The following NLGN1 variants were observed in gnomAD, a reference collection of about 807,000 sequenced individuals.
NLGN1 encodes neuroligin-1.
A neutral mutation model predicts 65.5 loss-of-function variants in NLGN1; 12 were observed. The observed-to-expected ratio is 0.18, with a 90% confidence interval of 0.12 to 0.30. The LOEUF is 0.30. Among genes scored for constraint, NLGN1 ranks in the 10% least tolerant of loss-of-function variants. The pLI is 1.00. For missense variants in NLGN1, 750 were observed against 1,007.1 expected (o/e 0.74, Z 3.46); for synonymous variants, 350 against 359.5 (o/e 0.97, Z 0.30).
At chr3:173,559,111 G>A (rs1742215197) in intron 2 of NLGN1, among the ~76,000 whole-genome samples, 2 of 152,222 alleles carry the variant, frequency 1.3e-5, no homozygotes, top group East Asian at 1.9e-4. Context: ...TCATTGGGCT[G>A]AAGTTTCAGA....
chr3:173,616,359 A>G (rs1370972198), intron 3 of NLGN1, among the ~76,000 whole-genome samples: 1 of 152,092 alleles, frequency 6.6e-6, no homozygotes, highest in Admixed American at 6.6e-5. Context: ...CTGATCTGTC[A>G]CCCACACTTG....
intron 4 of NLGN1, among the ~76,000 whole-genome samples, chr3:174,052,589 A>G (rs966329544): frequency 1.3e-5 from 2 of 152,084 alleles, no homozygotes; most frequent in African/African-American, 2.4e-5. Flanking sequence ...AAATATGGCA[A>G]TAAAAATCAG....
rs149351239 is a variant in NLGN1 at position 173,480,080 on chromosome 3, A to G, written c.-321+45002A>G. ...TGAAAAGATACTAGAGTTAGTTCAG[A>G]CGGTTTGGAGTATATTCTAGTGCTG... is the stretch of plus-strand genomic sequence containing the variant. On this transcript the variant is annotated intron_variant, in intron 2 of 6. Coordinates refer to ENST00000457714, the Ensembl canonical transcript of NLGN1. Among the ~76,000 whole-genome samples, 865 of 152,210 alleles carry G rather than the reference A, an allele frequency of 5.7e-3. 38 individuals carry two copies. Among genetic ancestry groups the G allele is most frequent in the Admixed American group, 0.052 (799 of 15,268 alleles).
At chr3:173,496,707 A>G (rs1052826819) in intron 2 of NLGN1, among the ~76,000 whole-genome samples, 1 of 151,888 alleles carries the variant, frequency 6.6e-6, no homozygotes, top group Non-Finnish European at 1.5e-5. Flanking sequence ...TTTCTTAATG[A>G]GAATATAGAA....
chr3:173,724,469 T>C, intron 3 of NLGN1: 1 of 217,832 alleles, frequency 4.6e-6, no homozygotes, highest in South Asian at 5.7e-5. Context: ...AGAGACGAGG[T>C]TTCACCATGT....
At chr3:174,143,478 A>T (rs1472187823) in intron 4 of NLGN1, among the ~76,000 whole-genome samples, 1 of 152,224 alleles carries the variant, frequency 6.6e-6, no homozygotes, top group African/African-American at 2.4e-5. Flanking sequence ...CGCCTTTCAT[A>T]ATCTCTGTAT....
At chr3:173,924,861 T>C (rs73037250) in intron 4 of NLGN1, among the ~76,000 whole-genome samples, 2,888 of 152,206 alleles carry the variant, frequency 0.019, 90 homozygotes, top group African/African-American at 0.064. Flanking sequence ...GGTTCTAAGA[T>C]GGCATGATTA....
intron 4 of NLGN1, among the ~76,000 whole-genome samples, chr3:174,155,496 T>C (rs1725274792): frequency 6.6e-6 from 1 of 151,930 alleles, no homozygotes; most frequent in South Asian, 2.1e-4. Context: ...ATAGTGAAAA[T>C]ATACTTGCAA....
chr3:173,559,210 C>T (rs1418478995), intron 2 of NLGN1, among the ~76,000 whole-genome samples: 3 of 152,124 alleles, frequency 2.0e-5, no homozygotes, highest in Non-Finnish European at 4.4e-5. Context: ...ATTTTCGGCC[C>T]CTTTTCCACT....
intron 3 of NLGN1, among the ~76,000 whole-genome samples, chr3:173,681,452 T>C (rs1311221558): frequency 2.0e-5 from 3 of 152,126 alleles, no homozygotes; most frequent in Non-Finnish European, 4.4e-5. Flanking sequence ...TAATTGTAAG[T>C]AGGTATTTTT....
At chr3:173,941,215 C>A (rs1253038065) in intron 4 of NLGN1, among the ~76,000 whole-genome samples, 2 of 151,974 alleles carry the variant, frequency 1.3e-5, no homozygotes, top group African/African-American at 4.8e-5. Flanking sequence ...ACCATTCAGG[C>A]CTTCCAGAAC....
intron 3 of NLGN1, among the ~76,000 whole-genome samples, chr3:173,696,021 C>T (rs923111797): frequency 3.9e-5 from 6 of 151,986 alleles, no homozygotes; most frequent in Admixed American, 6.6e-5. Context: ...CATGTTTCCC[C>T]GGCTTGTCTT....
intron 4 of NLGN1, among the ~76,000 whole-genome samples, chr3:174,211,022 C>T (rs1276763301): frequency 1.3e-5 from 2 of 152,148 alleles, no homozygotes; most frequent in Non-Finnish European, 2.9e-5. Flanking sequence ...CGTCTGGAGT[C>T]TGTCCCTTCT....
intron 4 of NLGN1, among the ~76,000 whole-genome samples, chr3:173,925,668 G>A (rs573329183): frequency 1.4e-4 from 22 of 152,320 alleles, no homozygotes; most frequent in South Asian, 1.2e-3. Context: ...TGTCTGCAGA[G>A]TAGGGGAAGA....
chr3:173,402,402 C>T (rs933403951), intron 1 of NLGN1, among the ~76,000 whole-genome samples: 24 of 152,070 alleles, frequency 1.6e-4, no homozygotes, highest in Non-Finnish European at 3.5e-4. Context: ...CAAATTTTTG[C>T]TCAACTTTGT....
intron 3 of NLGN1, among the ~76,000 whole-genome samples, chr3:173,732,185 A>T (rs1316672889): frequency 2.0e-5 from 3 of 152,088 alleles, no homozygotes; most frequent in African/African-American, 7.2e-5. Context: ...AATTACTATG[A>T]CTAATTTTTT....
chr3:173,581,212 T>G (rs1240227545), intron 2 of NLGN1, among the ~76,000 whole-genome samples: 2 of 152,168 alleles, frequency 1.3e-5, no homozygotes, highest in African/African-American at 4.8e-5. Context: ...ACTGCTCAAT[T>G]GAGTTATAAA....
chr3:173,963,297 CTTATAATAACA>C (rs1560733688), intron 4 of NLGN1, among the ~76,000 whole-genome samples: 2 of 149,966 alleles, frequency 1.3e-5, no homozygotes, highest in Admixed American at 6.6e-5. Flanking sequence ...CTTCTAAAAT[CTTATAATAACA>C]TTTATTTTAG....
At chr3:173,921,367 G>T (rs894090357) in intron 4 of NLGN1, among the ~76,000 whole-genome samples, 1 of 149,368 alleles carries the variant, frequency 6.7e-6, no homozygotes, top group Non-Finnish European at 1.5e-5. Context: ...TGTTTCATTT[G>T]TAGTAATTTA....
Sources: gnomAD v4.1 joint callset for allele counts (sites outside exome capture counted in the v4.1 genomes callset) on GRCh38, gnomAD v4.1.1 for gene constraint, MANE v1.5 for transcripts, NCBI Gene and HGNC (gene_info 2026-07-23, HGNC 2026-07-21) for gene names.